Variants in DMRTC1B observed in about 807,000 individuals in gnomAD.
DMRTC1B encodes doublesex- and mab-3-related transcription factor C1.
intron 1 of DMRTC1B, among the ~76,000 whole-genome samples, chrX:72,839,814 A>G (rs2054722106): frequency 1.1e-5 from 1 of 93,092 alleles, no homozygotes; most frequent in Non-Finnish European, 2.1e-5. Flanking sequence ...CAGTGTTAGC[A>G]TCACCAGGGA....
intron 1 of DMRTC1B, among the ~76,000 whole-genome samples, chrX:72,792,243 G>GTGT (rs2054617522): frequency 1.5e-5 from 1 of 65,959 alleles, no homozygotes; most frequent in African/African-American, 5.9e-5. Context: ...CTCTGTGTCT[G>GTGT]CGGCCCCCGT....
chrX:72,807,540 C>T (rs2054663427), intron 1 of DMRTC1B: 8 of 889,862 alleles, frequency 9.0e-6, no homozygotes, highest in Middle Eastern at 3.7e-4. Flanking sequence ...TCTGTGGCTC[C>T]GGTGGTCTCA....
At chrX:72,820,777 C>T (rs1486726858) in intron 1 of DMRTC1B, among the ~76,000 whole-genome samples, 1 of 74,889 alleles carries the variant, frequency 1.3e-5, no homozygotes, top group African/African-American at 5.0e-5. Context: ...CTCGGCCTCC[C>T]AACCGAGATG....
In DMRTC1B at chrX:72,804,883, GACTTT is replaced by G. The variant is rs781805581; in HGVS notation, c.-95+27643_-95+27647del. Among the ~76,000 whole-genome samples the G allele has an allele frequency of 2.1e-3, 221 of 104,425 alleles. 15 individuals carry two copies. Among genetic ancestry groups the G allele is most frequent in the African/African-American group, 7.3e-3 (211 of 28,771 alleles). The allele number at this position is 104,425 out of a possible 115,157, so 90.7% of individuals were successfully genotyped here. A position where few individuals can be genotyped will look rare whatever the true frequency, so the allele number is the denominator to read the frequency against. ...CCACACCTTCTTCTGAGGCACTGTC[GACTTT>G]ACTTTACCGACCTACCTGAGACGTC... On this transcript the variant is annotated intron_variant, in intron 1 of 6. Transcript: ENST00000334036.
Position 72,815,630 on chromosome X carries a change from C to CT in DMRTC1B, c.-94-29397dup, listed in dbSNP as rs782089848. On this transcript the variant is annotated intron_variant, in intron 1 of 6. Transcript: ENST00000334036. The stretch of plus-strand genomic sequence containing the variant: ...CTGGAGTATACCTTATTTTTCTCCT[C>CT]TTTTTTTTTTTTTTTGCAGTGCTAT... Among the ~76,000 whole-genome samples, 711 of 98,852 alleles carry CT rather than the reference C, an allele frequency of 7.2e-3. 12 individuals carry two copies. Among genetic ancestry groups the CT allele is most frequent in the African/African-American group, 0.017 (427 of 24,971 alleles). 85.8% of individuals were successfully genotyped at this position (98,852 alleles called of 115,157 possible).
Position 72,804,534 on chromosome X carries a change from C to G in DMRTC1B, c.-95+27286C>G, listed in dbSNP as rs1011191. On this transcript the variant is annotated intron_variant, in intron 1 of 6. Transcript: ENST00000334036. The stretch of plus-strand genomic sequence containing the variant: ...GGATCCTTGCCTCAGATCAACCAGG[C>G]ACTGTATCATGGCTCCCTCTTGTGC... Among the ~76,000 whole-genome samples, 39 of 50,969 alleles carry G rather than the reference C, an allele frequency of 7.7e-4. 6 individuals are homozygous for G. The highest frequency in any genetic ancestry group is 1.2e-3 in the African/African-American group (31 of 26,670). 44.3% of individuals were successfully genotyped at this position (50,969 alleles called of 115,157 possible).
intron 1 of DMRTC1B, among the ~76,000 whole-genome samples, chrX:72,802,513 T>C (rs2054641635): frequency 1.6e-5 from 1 of 62,295 alleles, no homozygotes; most frequent in African/African-American, 3.6e-5. Context: ...TGTGAGACGC[T>C]TTCTTTCCCG....
At chrX:72,807,362 C>G in intron 1 of DMRTC1B, 1 of 364,017 alleles carries the variant, frequency 2.7e-6, no homozygotes, top group Non-Finnish European at 4.5e-6. Context: ...CCACCACCAC[C>G]AAAGCTGACC....
Position 72,807,385 on chromosome X carries a change from G to C in DMRTC1B, c.-95+30137G>C, listed in dbSNP as rs1442789427. The C allele has an allele frequency of 1.1e-4, 41 of 358,315 alleles. 1 individual carries two copies. Among genetic ancestry groups the C allele is most frequent in the African/African-American group, 3.5e-4 (9 of 25,382 alleles). 29.5% of individuals were successfully genotyped at this position (358,315 alleles called of 1,213,427 possible). Reference sequence around the variant, plus strand: ...ACCAAAGCTGACCACCCCCAGTTCAGCCGACGTGTTGAAAGTTACATCAAA... The same window carrying C: ...ACCAAAGCTGACCACCCCCAGTTCACCCGACGTGTTGAAAGTTACATCAAA... On this transcript the variant is annotated intron_variant, in intron 1 of 6. Coordinates refer to ENST00000334036, the MANE Select transcript of DMRTC1B (RefSeq NM_001386972.1).
intron 1 of DMRTC1B, among the ~76,000 whole-genome samples, chrX:72,815,627 CCTCTTT>C (rs1228599007): frequency 1.0e-5 from 1 of 99,653 alleles, no homozygotes; most frequent in Non-Finnish European, 2.0e-5. Flanking sequence ...TTATTTTTCT[CCTCTTT>C]TTTTTTTTTT....
chrX:72,820,763 C>T, intron 1 of DMRTC1B, among the ~76,000 whole-genome samples: 3 of 70,114 alleles, frequency 4.3e-5, no homozygotes, highest in African/African-American at 1.1e-4. Flanking sequence ...CGTGATCCAC[C>T]CGCCTCGGCC....
intron 1 of DMRTC1B, among the ~76,000 whole-genome samples, chrX:72,841,657 A>C: frequency 1.4e-3 from 1 of 696 alleles, no homozygotes; most frequent in East Asian, 0.25. Flanking sequence ...CAGCCAACCA[A>C]CCAAAAAAAA....
rs1441611785 is a variant in DMRTC1B at position 72,807,497 on chromosome X, T to G, written c.-95+30249T>G. The G allele has an allele frequency of 4.9e-5, 27 of 549,465 alleles. 3 individuals carry two copies. Among genetic ancestry groups the G allele is most frequent in the African/African-American group, 7.0e-5 (2 of 28,519 alleles). 45.3% of individuals were successfully genotyped at this position (549,465 alleles called of 1,213,427 possible). ...CTGGGGCGAGCAGGGGCATGGAGCA[T>G]CAGAGGGGGCTCGGTCACCGTTCAC... On this transcript the variant is annotated intron_variant, in intron 1 of 6. Transcript: ENST00000334036.
chrX:72,802,546 C>T (rs1603282208), intron 1 of DMRTC1B, among the ~76,000 whole-genome samples: 2 of 65,077 alleles, frequency 3.1e-5, no homozygotes, highest in East Asian at 5.4e-4. Flanking sequence ...GTAATAGCGT[C>T]GGTCCTTCTC....
chrX:72,820,528 T>G (rs1242135028), intron 1 of DMRTC1B, among the ~76,000 whole-genome samples: 3 of 113,472 alleles, frequency 2.6e-5, no homozygotes, highest in East Asian at 2.7e-4. Context: ...TTTTTTTTTT[T>G]TTTTTTTTTG....
chrX:72,832,610 A>ACTGC (rs2054706040), intron 1 of DMRTC1B, among the ~76,000 whole-genome samples: 1 of 105,181 alleles, frequency 9.5e-6, no homozygotes, highest in Admixed American at 1.0e-4. Context: ...CCTTCCCAAG[A>ACTGC]CTGCCTGCCT....
Position 72,815,613 on chromosome X carries a change from T to C in DMRTC1B, c.-94-29429T>C, listed in dbSNP as rs1218124648. ...ACAGTGCTTCAATCTCACTGGAGTA[T>C]ACCTTATTTTTCTCCTCTTTTTTTT... On this transcript the variant is annotated intron_variant, in intron 1 of 6. Transcript: ENST00000334036. 5.5e-5 allele frequency among the ~76,000 whole-genome samples: 6 copies of C among 108,972 alleles called. No homozygotes were observed. In the East Asian group the frequency reaches 1.1e-3, roughly 20 times the overall value. The allele number at this position is 108,972 out of a possible 115,157, so 94.6% of individuals were successfully genotyped here.
chrX:72,848,392 G>C lies in DMRTC1B; in HGVS notation c.*17G>C. ...TTGAGCTAGGAACCCAGAGGAGGAG[G>C]CCTCAATAGAGCACTGCCTATTTGG... is the stretch of plus-strand genomic sequence containing the variant. On this transcript the variant is annotated 3_prime_UTR_variant, in exon 7 of 7. Transcript: ENST00000334036. 1 of 47,164 alleles carries C rather than the reference G, an allele frequency of 2.1e-5. No individual in the cohort carries two copies. Among genetic ancestry groups the C allele is most frequent in the East Asian group, 4.7e-5 (1 of 21,418 alleles). The allele number at this position is 47,164 out of a possible 1,213,427, so 3.9% of individuals were successfully genotyped here.
intron 1 of DMRTC1B, among the ~76,000 whole-genome samples, chrX:72,839,297 T>C (rs1479628312): frequency 9.0e-6 from 1 of 111,063 alleles, no homozygotes; most frequent in Non-Finnish European, 1.9e-5. Flanking sequence ...TGGATAGTAT[T>C]ACCCCTTCAT....
Sources: allele counts gnomAD v4.1 joint callset (sites outside exome capture counted in the v4.1 genomes callset), GRCh38; gene constraint gnomAD v4.1.1; transcripts MANE v1.5; gene names NCBI Gene and HGNC (gene_info 2026-07-23, HGNC 2026-07-21).